Variants in NSG2 observed in about 807,000 individuals in gnomAD.
The protein encoded by NSG2 is neuronal vesicle trafficking-associated protein 2.
Under a neutral mutation model 16.9 loss-of-function variants are expected in NSG2, and 4 were observed. The ratio of observed to expected loss-of-function variants is 0.24; its 90% CI spans 0.12 to 0.54. The LOEUF is 0.54. Among genes scored for constraint, NSG2 ranks in the 20% least tolerant of loss-of-function variants. The pLI is 0.95. For missense variants in NSG2, 179 were observed against 221.1 expected (o/e 0.81, Z 1.21); for synonymous variants, 98 against 88.7 (o/e 1.11, Z -0.59).
Position 174,062,990 on chromosome 5 carries a change from G to T in NSG2, c.130-1242G>T, listed in dbSNP as rs116260477. Reference sequence around the variant, plus strand: ...TACTTCATTTTAGCTGTGTGACCCTGGACAAGTGACTTAGCATCTCTGAGC... The same window carrying T: ...TACTTCATTTTAGCTGTGTGACCCTTGACAAGTGACTTAGCATCTCTGAGC... On this transcript the variant is annotated intron_variant, in intron 2 of 4. Transcript: ENST00000303177. Among the ~76,000 whole-genome samples the T allele has an allele frequency of 5.8e-3, 885 of 152,310 alleles. 5 individuals are homozygous for T. Among genetic ancestry groups the T allele is most frequent in the African/African-American group, 0.02 (844 of 41,550 alleles).
chr5:174,052,144 C>A (rs1581216446), intron 2 of NSG2, among the ~76,000 whole-genome samples: 1 of 152,168 alleles, frequency 6.6e-6, no homozygotes, highest in East Asian at 1.9e-4. Context: ...CCAATCAGTC[C>A]TCCACGCAGC....
At chr5:174,052,382 A>ACTAGACCTGAGGCCCCAG (rs1759903193) in intron 2 of NSG2, among the ~76,000 whole-genome samples, 3 of 152,036 alleles carry the variant, frequency 2.0e-5, no homozygotes, top group African/African-American at 4.8e-5. Flanking sequence ...CCATTTGCCC[A>ACTAGACCTGAGGCCCCAG]CTAGACCTGA....
intron 2 of NSG2, among the ~76,000 whole-genome samples, chr5:174,051,355 C>G (rs1220065011): frequency 6.6e-6 from 1 of 152,168 alleles, no homozygotes; most frequent in East Asian, 1.9e-4. Flanking sequence ...CATGCCTTCA[C>G]CTCCATGAAC....
intron 4 of NSG2, among the ~76,000 whole-genome samples, chr5:174,106,298 G>A (rs972563555): frequency 6.6e-6 from 1 of 152,172 alleles, no homozygotes; most frequent in Non-Finnish European, 1.5e-5. Context: ...GAAAAAACAA[G>A]AGGTTCGTTG....
At chr5:174,087,329 T>A (rs764525957) in intron 3 of NSG2, among the ~76,000 whole-genome samples, 2 of 152,162 alleles carry the variant, frequency 1.3e-5, no homozygotes, top group African/African-American at 2.4e-5. Flanking sequence ...GCACATGGCC[T>A]TTATGGTCAC....
At chr5:174,083,287 C>T (rs1760523651) in intron 3 of NSG2, among the ~76,000 whole-genome samples, 1 of 152,248 alleles carries the variant, frequency 6.6e-6, no homozygotes, top group Non-Finnish European at 1.5e-5. Flanking sequence ...ATCTATTGTC[C>T]AGTGAACAAT....
intron 3 of NSG2, among the ~76,000 whole-genome samples, chr5:174,071,177 A>G (rs934062536): frequency 6.6e-6 from 1 of 152,216 alleles, no homozygotes; most frequent in Non-Finnish European, 1.5e-5. Context: ...AGGTGGGACC[A>G]AGAACTGGAA....
intron 3 of NSG2, among the ~76,000 whole-genome samples, chr5:174,067,476 A>G (rs940976821): frequency 6.6e-6 from 1 of 152,208 alleles, no homozygotes; most frequent in Non-Finnish European, 1.5e-5. Flanking sequence ...GTTTGACTCA[A>G]TTAGTCTTGG....
At position 174,046,818 on chromosome 5, in the gene NSG2, C is replaced by T. The variant is rs751391317; in HGVS notation, c.63C>T (p.Gly21=). The T allele has an allele frequency of 1.2e-6, 2 of 1,614,116 alleles. No homozygotes were observed. The highest frequency in any genetic ancestry group is 1.7e-6 in the Non-Finnish European group (2 of 1,180,010). The change falls in exon 2 of 5, where the codon GGC becomes GGT. Residue 21 remains glycine, a synonymous_variant. Transcript: ENST00000303177. ...KGTKPPSVED[G]FQTVPLITPL... is the part of the protein sequence containing the mutation. ...CCAAGCCGCCTTCAGTTGAGGATGGCTTCCAGACCGTCCCTCTCATCACTC... is the reference window on the plus strand; with the variant it reads ...CCAAGCCGCCTTCAGTTGAGGATGGTTTCCAGACCGTCCCTCTCATCACTC...
At chr5:174,051,333 C>T (rs556639163) in intron 2 of NSG2, among the ~76,000 whole-genome samples, 1 of 152,210 alleles carries the variant, frequency 6.6e-6, no homozygotes, top group African/African-American at 2.4e-5. Flanking sequence ...TTGCATACTC[C>T]CCAGGATGTT....
intron 2 of NSG2, among the ~76,000 whole-genome samples, chr5:174,059,495 T>C (rs1298432087): frequency 6.6e-6 from 1 of 152,242 alleles, no homozygotes; most frequent in Non-Finnish European, 1.5e-5. Context: ...AGTATTTGGC[T>C]ACCTTACTAA....
intron 3 of NSG2, among the ~76,000 whole-genome samples, chr5:174,089,167 A>G (rs2113463610): frequency 6.6e-6 from 1 of 152,304 alleles, no homozygotes; most frequent in Admixed American, 6.5e-5. Context: ...TATAAGGACT[A>G]GCCCCAAATG....
chr5:174,068,003 C>T (rs1457492799), intron 3 of NSG2, among the ~76,000 whole-genome samples: 2 of 152,024 alleles, frequency 1.3e-5, no homozygotes, highest in Non-Finnish European at 2.9e-5. Context: ...GTTTGGAGCT[C>T]AGGATGGAGA....
intron 2 of NSG2, among the ~76,000 whole-genome samples, chr5:174,051,529 TATCCATCCATCCACCA>T (rs1375397723): frequency 1.3e-5 from 2 of 152,304 alleles, no homozygotes; most frequent in East Asian, 1.9e-4. Context: ...GTCGTCCATC[TATCCATCCATCCACCA>T]ATCCATCCAT....
intron 2 of NSG2, chr5:174,056,731 C>T (rs557688624): frequency 3.9e-5 from 6 of 152,188 alleles, no homozygotes; most frequent in Non-Finnish European, 8.8e-5. Flanking sequence ...CTGTGCAAGT[C>T]CAGCTCATAA....
chr5:174,077,281 G>A (rs535134005), intron 3 of NSG2, among the ~76,000 whole-genome samples: 4 of 151,958 alleles, frequency 2.6e-5, no homozygotes, highest in African/African-American at 4.8e-5. Context: ...TCCTCTCTTC[G>A]GTTTTGACAT....
intron 2 of NSG2, among the ~76,000 whole-genome samples, 153 bp from the exon 3 acceptor site, chr5:174,064,079 A>G (rs571882619): frequency 6.6e-6 from 1 of 152,340 alleles, no homozygotes; most frequent in African/African-American, 2.4e-5. Flanking sequence ...AAGTATTATG[A>G]GTAACTTGAA....
intron 3 of NSG2, 77 bp downstream of exon 3, chr5:174,064,392 A>C: frequency 1.1e-6 from 1 of 900,398 alleles, no homozygotes; most frequent in Non-Finnish European, 1.8e-6. Flanking sequence ...TCGTGCTTGG[A>C]GCAAGTACTG....
intron 3 of NSG2, among the ~76,000 whole-genome samples, chr5:174,075,693 T>C (rs1477722651): frequency 6.6e-6 from 1 of 152,232 alleles, no homozygotes; most frequent in African/African-American, 2.4e-5. Flanking sequence ...ATCTCCTGGC[T>C]TCCTCGCTCT....
Sources: allele counts gnomAD v4.1 joint callset (sites outside exome capture counted in the v4.1 genomes callset), GRCh38; gene constraint gnomAD v4.1.1; transcripts MANE v1.5; gene names NCBI Gene and HGNC (gene_info 2026-07-23, HGNC 2026-07-21).